The following UNC13C variants were observed in gnomAD, a reference collection of about 807,000 sequenced individuals.
The protein encoded by UNC13C is unc-13 homolog C.
In UNC13C, 174 loss-of-function variants were observed where a neutral mutation model predicts 245.4. That is an observed-to-expected ratio of 0.71 (90% CI 0.63 to 0.80). UNC13C has a LOEUF of 0.80. Ranked by LOEUF, UNC13C falls within the 30% of genes least tolerant of loss-of-function variation. UNC13C has a pLI of 0.00. For missense variants in UNC13C, 2,829 were observed against 2,602.9 expected (o/e 1.09, Z -1.89); for synonymous variants, 992 against 895.1 (o/e 1.11, Z -1.93).
chr15:54,298,846 C>T (rs755050286), intron 12 of UNC13C, among the ~76,000 whole-genome samples: 3 of 151,946 alleles, frequency 2.0e-5, no homozygotes, highest in Non-Finnish European at 4.4e-5. Flanking sequence ...GTACCTTCCT[C>T]AGAAAAAGAC....
At chr15:54,177,076 T>C (rs1486568573) in intron 4 of UNC13C, among the ~76,000 whole-genome samples, 1 of 152,048 alleles carries the variant, frequency 6.6e-6, no homozygotes. Context: ...TCTGAAAACC[T>C]AAAGTGTTTC....
intron 4 of UNC13C, among the ~76,000 whole-genome samples, chr15:54,223,086 C>T (rs539115033): frequency 7.2e-5 from 11 of 152,172 alleles, no homozygotes; most frequent in South Asian, 4.1e-4. Context: ...TGTGCAGAAG[C>T]TTTTAAAGTT....
the UNC13C span, among the ~76,000 whole-genome samples, chr15:53,929,491 C>G: frequency 6.6e-6 from 1 of 152,054 alleles, no homozygotes; most frequent in African/African-American, 2.4e-5. Context: ...TAGAATGATA[C>G]AGTAAGAAGT....
At chr15:54,242,227 G>T (rs1458660360) in intron 7 of UNC13C, among the ~76,000 whole-genome samples, 7 of 152,012 alleles carry the variant, frequency 4.6e-5, no homozygotes, top group Non-Finnish European at 4.4e-5. Context: ...AATAAGTTCT[G>T]TATCTTGAAG....
At chr15:53,963,624 A>G in the UNC13C span, among the ~76,000 whole-genome samples, 1 of 152,220 alleles carries the variant, frequency 6.6e-6, no homozygotes, top group African/African-American at 2.4e-5. Flanking sequence ...GGGAAACAGT[A>G]GACACTGAAA....
chr15:54,484,870 G>GTTT (rs1380021299), intron 19 of UNC13C, among the ~76,000 whole-genome samples: 1 of 152,082 alleles, frequency 6.6e-6, no homozygotes. Context: ...ATTTCAAGAG[G>GTTT]TAAAATCCAC....
chr15:53,941,729 C>T, the UNC13C span, among the ~76,000 whole-genome samples: 1 of 151,906 alleles, frequency 6.6e-6, no homozygotes, highest in African/African-American at 2.4e-5. Context: ...AAAAACAACC[C>T]CATTAAAAAG....
intron 2 of UNC13C, among the ~76,000 whole-genome samples, chr15:54,075,480 AGCCGG>A (rs1566993471): frequency 1.5e-5 from 2 of 130,148 alleles, no homozygotes; most frequent in African/African-American, 6.6e-5. Context: ...GCTTGCAGTG[AGCCGG>A]AGCTTGCAGT....
chr15:53,885,480 T>C, the UNC13C span, among the ~76,000 whole-genome samples: 63,865 of 152,046 alleles, frequency 0.42, 14,576 homozygotes, highest in South Asian at 0.57. Flanking sequence ...TTACTGCATT[T>C]GGTGTCAGTC....
chr15:54,114,750 T>C (rs2030104813), intron 2 of UNC13C, among the ~76,000 whole-genome samples: 2 of 152,172 alleles, frequency 1.3e-5, no homozygotes, highest in African/African-American at 4.8e-5. Context: ...TTAAAACTTA[T>C]TAGATATTGC....
chr15:54,481,581 G>C (rs1199313467), intron 19 of UNC13C, among the ~76,000 whole-genome samples: 1 of 152,114 alleles, frequency 6.6e-6, no homozygotes, highest in Non-Finnish European at 1.5e-5. Context: ...GGCTTTCAGG[G>C]CGCAATATAG....
chr15:53,866,306 G>C, the UNC13C span, among the ~76,000 whole-genome samples: 1 of 151,954 alleles, frequency 6.6e-6, no homozygotes, highest in Non-Finnish European at 1.5e-5. Flanking sequence ...CAATGCTAAA[G>C]GAATAAACAC....
At chr15:54,599,042 A>G (rs975753024) in intron 30 of UNC13C, among the ~76,000 whole-genome samples, 2 of 152,188 alleles carry the variant, frequency 1.3e-5, no homozygotes, top group Non-Finnish European at 2.9e-5. Flanking sequence ...ATTTCTCATA[A>G]TAATCAAACA....
At chr15:54,174,918 A>G (rs2115828) in intron 4 of UNC13C, among the ~76,000 whole-genome samples, 2,291 of 152,304 alleles carry the variant, frequency 0.015, 58 homozygotes, top group Admixed American at 0.066. Context: ...TTTAAACTCA[A>G]TCGGAAGGAA....
chr15:54,613,042 A>T (rs2414330), intron 30 of UNC13C, among the ~76,000 whole-genome samples: 1 of 151,896 alleles, frequency 6.6e-6, no homozygotes, highest in Admixed American at 6.6e-5. Flanking sequence ...TTGTCTCTCA[A>T]GAACAAGAGA....
chr15:54,604,202 A>G (rs146777836), intron 30 of UNC13C, among the ~76,000 whole-genome samples: 3 of 152,176 alleles, frequency 2.0e-5, no homozygotes, highest in East Asian at 1.9e-4. Context: ...GTATATCACA[A>G]TGTGGTCTGA....
At chr15:54,492,847 C>T (rs1414369989) in intron 19 of UNC13C, among the ~76,000 whole-genome samples, 1 of 152,190 alleles carries the variant, frequency 6.6e-6, no homozygotes, top group Non-Finnish European at 1.5e-5. Context: ...AGCATTTGGA[C>T]ATTGTCACCT....
chr15:53,858,565 C>T, the UNC13C span, among the ~76,000 whole-genome samples: 1 of 152,006 alleles, frequency 6.6e-6, no homozygotes, highest in East Asian at 1.9e-4. Context: ...GGATTACAGG[C>T]ATGCCTCACC....
intron 1 of UNC13C, among the ~76,000 whole-genome samples, chr15:53,979,365 C>G (rs1239666892): frequency 6.6e-6 from 1 of 152,202 alleles, no homozygotes; most frequent in Non-Finnish European, 1.5e-5. Context: ...GTTTTTCCAG[C>G]TCAGCATCCA....
Sources: gnomAD v4.1 joint callset for allele counts (sites outside exome capture counted in the v4.1 genomes callset) on GRCh38, gnomAD v4.1.1 for gene constraint, MANE v1.5 for transcripts, NCBI Gene and HGNC (gene_info 2026-07-23, HGNC 2026-07-21) for gene names.